NUP98: variants seen among roughly 807,000 people sequenced by gnomAD.
NUP98 encodes nucleoporin 98 and 96 precursor.
In NUP98, 26 loss-of-function variants were observed where a neutral mutation model predicts 191.9. The ratio of observed to expected loss-of-function variants is 0.14; its 90% CI spans 0.10 to 0.19. The LOEUF is 0.19. NUP98 is among the 10% of genes least tolerant of loss of function. NUP98 has a pLI of 1.00. For synonymous variants in NUP98, 808 were observed against 778.4 expected (o/e 1.04, Z -0.63); for missense variants, 1,941 against 2,178.8 (o/e 0.89, Z 2.17).
At chr11:3,699,562 T>C (rs1173949253) in intron 24 of NUP98, among the ~76,000 whole-genome samples, 1 of 152,246 alleles carries the variant, frequency 6.6e-6, no homozygotes, top group Admixed American at 6.5e-5. Flanking sequence ...GCTCATATCA[T>C]GTTTCTGTGG....
Position 3,683,302 on chromosome 11 carries a change from G to C in NUP98, c.4816C>G (p.Arg1606Gly). 1 of 1,614,080 alleles carries C rather than the reference G, an allele frequency of 6.2e-7. No homozygotes were observed. The highest frequency in any genetic ancestry group is 8.5e-7 in the Non-Finnish European group (1 of 1,180,006). The change falls in exon 30 of 33, where the codon CGA becomes GGA. Residue 1606 changes from arginine to glycine, a missense_variant. Around this residue, in one of 6 missense-constraint regions of NUP98, gnomAD observed 1,030 missense variants for 1,115.8 expected, o/e 0.92. Transcript: ENST00000324932. ...AKWIHEAKAV[R>G]AHMESDKHLE... ...TGCTTGTCAGATTCCATGTGTGCTC[G>C]CACAGCTTTGGCCTCGTGGATCCAT...
At chr11:3,718,180 T>A (rs1362672234) in intron 18 of NUP98, among the ~76,000 whole-genome samples, 1 of 152,204 alleles carries the variant, frequency 6.6e-6, no homozygotes, top group Non-Finnish European at 1.5e-5. Context: ...AATTCACCAA[T>A]GAGGCCATCT....
chr11:3,683,745 T>C (rs2134018614), intron 29 of NUP98, among the ~76,000 whole-genome samples: 1 of 151,982 alleles, frequency 6.6e-6, no homozygotes, highest in East Asian at 2.0e-4. Context: ...TCCATGTTGG[T>C]TGGGCTGGTC....
At chr11:3,774,595 G>A (rs574075956) in intron 5 of NUP98, among the ~76,000 whole-genome samples, 17 of 152,054 alleles carry the variant, frequency 1.1e-4, no homozygotes, top group Non-Finnish European at 2.2e-4. Flanking sequence ...GTGGGTGCCT[G>A]TAATCCCAGC....
At position 3,718,953 on chromosome 11, in the gene NUP98, C is replaced by T. The variant is rs544896248; in HGVS notation, c.2399+459G>A. On this transcript the variant is annotated intron_variant, in intron 18 of 32. Transcript: ENST00000324932. Reference sequence around the variant, plus strand: ...TGGCCAACATGGTGAAACTCTGTCTCTACTAAAAATACAAAAATTAGCCAG... The same window carrying T: ...TGGCCAACATGGTGAAACTCTGTCTTTACTAAAAATACAAAAATTAGCCAG... 1.3e-4 allele frequency among the ~76,000 whole-genome samples: 20 copies of T among 152,022 alleles called. No individual in the cohort carries two copies. The East Asian group carries it at 3.7e-3, about 28-fold the overall frequency.
intron 11 of NUP98, among the ~76,000 whole-genome samples, chr11:3,744,927 G>A (rs531435249): frequency 3.3e-5 from 5 of 152,142 alleles, no homozygotes; most frequent in Non-Finnish European, 7.3e-5. Flanking sequence ...AATTAAAATG[G>A]ATAAACATTC....
Position 3,699,371 on chromosome 11 carries a change from A to C in NUP98, c.3743-23T>G, listed in dbSNP as rs752089806. The C allele has an allele frequency of 8.1e-6, 13 of 1,609,434 alleles. No homozygotes were observed. The East Asian group carries it at 1.6e-4, about 19-fold the overall frequency. On this transcript the variant is annotated intron_variant, in intron 24 of 32. Coordinates refer to ENST00000324932, the MANE Select transcript of NUP98 (RefSeq NM_016320.5). ...CAACTAAGGCAGGAAGAGAAAAACA[A>C]TGTTACGAGACAAAGTCTTACAACA...
At chr11:3,796,670 G>T (rs768794881) in intron 1 of NUP98, among the ~76,000 whole-genome samples, 14 of 152,158 alleles carry the variant, frequency 9.2e-5, no homozygotes, top group Admixed American at 9.2e-4. Context: ...ATCCAGGGAG[G>T]GTGAGGTAGT....
At chr11:3,747,296 G>A (rs2080542011) in intron 11 of NUP98, among the ~76,000 whole-genome samples, 1 of 152,074 alleles carries the variant, frequency 6.6e-6, no homozygotes, top group Non-Finnish European at 1.5e-5. Flanking sequence ...TTCCAAAATT[G>A]TTAGAATTTA....
rs1018740733 is a variant in NUP98 at position 3,675,800 on chromosome 11, G to T, written c.*359C>A. 5.1e-6 allele frequency: 2 copies of T among 391,880 alleles called. No homozygotes were observed. Among genetic ancestry groups the T allele is most frequent in the Middle Eastern group, 7.1e-4 (1 of 1,400 alleles). The allele number at this position is 391,880 out of a possible 1,614,324, so 24.3% of individuals were successfully genotyped here. A position where few individuals can be genotyped will look rare whatever the true frequency, so the allele number is the denominator to read the frequency against. ...TATAAAAGGGCCAGGGTAGGAGTAG[G>T]GAAGCTGGTTGGCATGGAGGGTCAC... On this transcript the variant is annotated 3_prime_UTR_variant, in exon 33 of 33. Coordinates refer to ENST00000324932, the MANE Select transcript of NUP98 (RefSeq NM_016320.5).
chr11:3,690,271 T>A (rs1474978532), intron 28 of NUP98, among the ~76,000 whole-genome samples: 3 of 141,262 alleles, frequency 2.1e-5, no homozygotes. Flanking sequence ...TTTTTTTTTT[T>A]ATTTTTGAGA....
At chr11:3,736,076 T>TTGTGTGTGTGTG (rs34834363) in intron 12 of NUP98, among the ~76,000 whole-genome samples, 7 of 129,506 alleles carry the variant, frequency 5.4e-5, no homozygotes, top group African/African-American at 2.1e-4. Context: ...ACAGCTAATT[T>TTGTGTGTGTGTG]TGTGTGTGTG....
At chr11:3,726,042 A>C (rs945526782) in intron 14 of NUP98, among the ~76,000 whole-genome samples, 1 of 152,180 alleles carries the variant, frequency 6.6e-6, no homozygotes, top group Non-Finnish European at 1.5e-5. Context: ...AACTTAGCCT[A>C]ATGTAAGAGC....
At chr11:3,761,250 A>T (rs1043668600) in intron 9 of NUP98, among the ~76,000 whole-genome samples, 2 of 152,212 alleles carry the variant, frequency 1.3e-5, no homozygotes, top group Non-Finnish European at 2.9e-5. Flanking sequence ...CACTTTGTTG[A>T]TATACTAAAA....
intron 10 of NUP98, among the ~76,000 whole-genome samples, chr11:3,754,343 T>C (rs1429375093): frequency 4.6e-5 from 7 of 152,140 alleles, no homozygotes; most frequent in Admixed American, 3.9e-4. Flanking sequence ...GGAGTATCAC[T>C]TGAACCCGGG....
At chr11:3,754,303 A>G (rs2080879233) in intron 10 of NUP98, among the ~76,000 whole-genome samples, 2 of 152,104 alleles carry the variant, frequency 1.3e-5, no homozygotes, top group African/African-American at 2.4e-5. Flanking sequence ...GCGCATGCCT[A>G]TAAACCCAGC....
chr11:3,719,130 A>T (rs139346567), intron 18 of NUP98, among the ~76,000 whole-genome samples: 263 of 152,212 alleles, frequency 1.7e-3, no homozygotes, highest in African/African-American at 4.2e-3. Context: ...CAAAAAAAAA[A>T]AATAATAATA....
chr11:3,780,020 A>T (rs1287364707), intron 2 of NUP98, among the ~76,000 whole-genome samples: 2 of 152,196 alleles, frequency 1.3e-5, no homozygotes, highest in Admixed American at 1.3e-4. Flanking sequence ...ATGGTCTTTC[A>T]TTAGCGGAAC....
At chr11:3,762,832 T>C in intron 9 of NUP98, 70 bp downstream of exon 9, 1 of 1,549,224 alleles carries the variant, frequency 6.5e-7, no homozygotes, top group Non-Finnish European at 8.8e-7. Flanking sequence ...AACAGTCAAA[T>C]CCTTAGAAGA....
Sources: allele counts gnomAD v4.1 joint callset (sites outside exome capture counted in the v4.1 genomes callset), GRCh38; gene constraint gnomAD v4.1.1; regional missense constraint gnomAD v4.1.1; transcripts MANE v1.5; gene names NCBI Gene and HGNC (gene_info 2026-07-23, HGNC 2026-07-21).